KCNH8: variants seen among roughly 807,000 people sequenced by gnomAD.
KCNH8 encodes the protein potassium voltage-gated channel subfamily H member 8, also known as voltage-gated delayed rectifier potassium channel KCNH8.
A neutral mutation model predicts 103.6 loss-of-function variants in KCNH8; 70 were observed. The observed-to-expected ratio is 0.68, with a 90% CI of 0.56 to 0.82. KCNH8 has a LOEUF of 0.82. Among genes scored for constraint, KCNH8 ranks in the 40% least tolerant of loss-of-function variants. The probability of loss-of-function intolerance (pLI) is 0.00; values close to 1 mark genes in which losing one functional copy is unlikely to be tolerated. For synonymous variants in KCNH8, 498 were observed against 489.4 expected (o/e 1.02, Z -0.23); for missense variants, 1,217 against 1,329.9 (o/e 0.92, Z 1.32).
chr3:19,223,767 A>G (rs535960635), intron 1 of KCNH8, among the ~76,000 whole-genome samples: 84 of 152,180 alleles, frequency 5.5e-4, no homozygotes, highest in Non-Finnish European at 1.2e-3. Flanking sequence ...CAGTTCCTCA[A>G]TGCTTTATCA....
chr3:19,354,622 CA>C (rs2125325008), intron 5 of KCNH8, among the ~76,000 whole-genome samples: 1 of 152,196 alleles, frequency 6.6e-6, no homozygotes, highest in Admixed American at 6.5e-5. Flanking sequence ...GAAAAACAAG[CA>C]ATGGGGAAAG....
intron 1 of KCNH8, among the ~76,000 whole-genome samples, chr3:19,157,502 C>T (rs182367459): frequency 1.8e-4 from 27 of 152,036 alleles, no homozygotes; most frequent in Non-Finnish European, 2.9e-5. Flanking sequence ...AAAATTTAGG[C>T]CTCTTGTTTA....
chr3:19,387,320 A>G (rs758185181), intron 5 of KCNH8, among the ~76,000 whole-genome samples: 8 of 152,268 alleles, frequency 5.3e-5, no homozygotes, highest in Non-Finnish European at 1.0e-4. Flanking sequence ...AAGTGCAGTA[A>G]TCATTTAGAT....
intron 7 of KCNH8, among the ~76,000 whole-genome samples, chr3:19,400,232 A>AC: frequency 5.1e-5 from 1 of 19,590 alleles, no homozygotes; most frequent in Non-Finnish European, 9.1e-5. Flanking sequence ...GTTAGCCAGC[A>AC]AAAAAAAAAA....
chr3:19,429,160 C>T (rs898163596), intron 7 of KCNH8, among the ~76,000 whole-genome samples: 1 of 126,268 alleles, frequency 7.9e-6, no homozygotes, highest in Admixed American at 8.9e-5. Flanking sequence ...TCAGAATCCA[C>T]TCTTTTTTTT....
intron 11 of KCNH8, among the ~76,000 whole-genome samples, chr3:19,473,751 T>C (rs897053909): frequency 6.6e-6 from 1 of 152,226 alleles, no homozygotes; most frequent in African/African-American, 2.4e-5. Context: ...TTCTGAGAAC[T>C]TCTTGTATAC....
chr3:19,523,227 G>T (rs945897517), intron 15 of KCNH8, among the ~76,000 whole-genome samples: 1 of 151,774 alleles, frequency 6.6e-6, no homozygotes. Flanking sequence ...TGGATAATAG[G>T]TCAGTCATGT....
chr3:19,299,055 A>C (rs1296040922), intron 3 of KCNH8, among the ~76,000 whole-genome samples: 1 of 152,088 alleles, frequency 6.6e-6, no homozygotes, highest in Non-Finnish European at 1.5e-5. Flanking sequence ...GGTCCAATTG[A>C]AGACACCAGC....
At chr3:19,354,461 C>T (rs140967567) in intron 5 of KCNH8, among the ~76,000 whole-genome samples, 26,510 of 151,922 alleles carry the variant, frequency 0.17, 2,631 homozygotes, top group African/African-American at 0.28. Context: ...GGAGGTATCA[C>T]GCTACCTGAC....
rs760739702 is a variant in KCNH8 at position 19,395,301 on chromosome 3, G to C, written c.1167G>C (p.Lys389Asn). ...AGAGGGAAGACAACAGCCTTCTGAAGTGGGAAGTTGGTAAGGGCTTACATT... is the reference window on the plus strand; with the variant it reads ...AGAGGGAAGACAACAGCCTTCTGAACTGGGAAGTTGGTAAGGGCTTACATT... ...KMEREDNSLL[K>N]WEVGWLHELG... The change falls in exon 7 of 16, where the codon AAG (lysine) becomes AAC (asparagine). Residue 389 changes from lysine (K) to asparagine (N), a missense_variant. Physicochemically the swap from Lys to Asn is moderately conservative, Grantham distance 94 (BLOSUM62 0). Transcript: ENST00000328405. The C allele has an allele frequency of 1.2e-6, 2 of 1,609,712 alleles. No homozygotes were observed. The highest frequency in any genetic ancestry group is 1.7e-6 in the Non-Finnish European group (2 of 1,177,504).
chr3:19,406,414 G>C (rs960638234), intron 7 of KCNH8, among the ~76,000 whole-genome samples: 1 of 152,060 alleles, frequency 6.6e-6, no homozygotes, highest in Admixed American at 6.6e-5. Flanking sequence ...TTCTTAAATT[G>C]AGAGAAACCA....
At chr3:19,306,019 A>G (rs1269925174) in intron 3 of KCNH8, among the ~76,000 whole-genome samples, 3 of 152,144 alleles carry the variant, frequency 2.0e-5, no homozygotes, top group African/African-American at 7.2e-5. Flanking sequence ...AATTAAATGG[A>G]CAAAACTCTT....
At chr3:19,467,673 G>A (rs2067770572) in intron 11 of KCNH8, among the ~76,000 whole-genome samples, 1 of 152,120 alleles carries the variant, frequency 6.6e-6, no homozygotes, top group African/African-American at 2.4e-5. Flanking sequence ...TCAATATAGT[G>A]ATTCTCCCTG....
intron 1 of KCNH8, among the ~76,000 whole-genome samples, chr3:19,201,538 T>G (rs2063663180): frequency 6.6e-6 from 1 of 152,054 alleles, no homozygotes; most frequent in Non-Finnish European, 1.5e-5. Flanking sequence ...TGGGGGAACT[T>G]GAACATACTT....
intron 5 of KCNH8, among the ~76,000 whole-genome samples, chr3:19,384,981 CCACCAAACTAGAGAGTAT>C (rs1193434199): frequency 6.6e-6 from 1 of 151,974 alleles, no homozygotes; most frequent in Non-Finnish European, 1.5e-5. Context: ...TTTGTGAAAA[CCACCAAACTAGAGAGTAT>C]CATCGGGCCT....
chr3:19,458,174 T>C (rs962619630), intron 11 of KCNH8, among the ~76,000 whole-genome samples: 2 of 151,976 alleles, frequency 1.3e-5, no homozygotes, highest in Non-Finnish European at 2.9e-5. Context: ...AGTTTCAACA[T>C]AGGTATCAGA....
At chr3:19,463,203 G>A (rs992584732) in intron 11 of KCNH8, among the ~76,000 whole-genome samples, 6 of 152,042 alleles carry the variant, frequency 3.9e-5, no homozygotes, top group Non-Finnish European at 8.8e-5. Context: ...TCTGCAGGAC[G>A]TCCTGGAACC....
intron 11 of KCNH8, among the ~76,000 whole-genome samples, chr3:19,509,254 CT>C (rs904509681): frequency 2.0e-5 from 3 of 152,108 alleles, no homozygotes; most frequent in African/African-American, 7.2e-5. Context: ...AATAATGATC[CT>C]GGCATTTGTA....
In KCNH8 at chr3:19,466,106, T is replaced by C. The variant is rs149811358; in HGVS notation, c.2040+9124T>C. The stretch of plus-strand genomic sequence containing the variant: ...CACCCGGCTAATTCTTTTTTATATT[T>C]GTAGAGATGAGGTCTCGCTATATTG... On this transcript the variant is annotated intron_variant, in intron 11 of 15. Coordinates refer to ENST00000328405, the MANE Select transcript of KCNH8 (RefSeq NM_144633.3). Among the ~76,000 whole-genome samples, 393 of 152,016 alleles carry C rather than the reference T, an allele frequency of 2.6e-3. 4 individuals are homozygous for C. The highest frequency in any genetic ancestry group is 9.0e-3 in the African/African-American group (374 of 41,474).
Sources: allele counts gnomAD v4.1 joint callset (sites outside exome capture counted in the v4.1 genomes callset), GRCh38; gene constraint gnomAD v4.1.1; transcripts MANE v1.5; gene names NCBI Gene and HGNC (gene_info 2026-07-23, HGNC 2026-07-21).